RALYL: variants seen among roughly 807,000 people sequenced by gnomAD.
RALYL encodes the protein RALY RNA binding protein like, also known as RNA-binding Raly-like protein.
A neutral mutation model predicts 35.1 loss-of-function variants in RALYL; 29 were observed. The ratio of observed to expected loss-of-function variants is 0.83; its 90% CI spans 0.61 to 1.13. RALYL has a LOEUF of 1.13. RALYL is among the 50% of genes most tolerant of loss of function. The pLI, the probability that RALYL is intolerant of heterozygous loss-of-function variation, is 0.00. For missense variants in RALYL, 359 were observed against 360.4 expected (o/e 1.00, Z 0.03); for synonymous variants, 120 against 127.6 (o/e 0.94, Z 0.40).
At chr8:84,515,481 A>C (rs970929534) in intron 1 of RALYL, among the ~76,000 whole-genome samples, 8 of 152,328 alleles carry the variant, frequency 5.3e-5, no homozygotes, top group African/African-American at 1.7e-4. Context: ...ATTTGTGAAA[A>C]GGCTTAAAAT....
intron 1 of RALYL, among the ~76,000 whole-genome samples, chr8:84,304,434 T>C (rs60702768): frequency 1.3e-5 from 2 of 152,006 alleles, no homozygotes; most frequent in African/African-American, 4.8e-5. Context: ...TACTAACTAA[T>C]ATAATATGGG....
intron 1 of RALYL, among the ~76,000 whole-genome samples, chr8:84,303,611 A>G (rs1841228363): frequency 6.6e-6 from 1 of 152,234 alleles, no homozygotes; most frequent in Non-Finnish European, 1.5e-5. Flanking sequence ...TAAGAAATTT[A>G]AAACAGAAAT....
chr8:84,857,963 T>A (rs1350834342), intron 5 of RALYL, among the ~76,000 whole-genome samples: 2 of 152,136 alleles, frequency 1.3e-5, no homozygotes, highest in Non-Finnish European at 2.9e-5. Flanking sequence ...TATGCCTTTG[T>A]CCAAAAGGCA....
chr8:84,508,345 T>C (rs1369467614), intron 1 of RALYL, among the ~76,000 whole-genome samples: 4 of 152,182 alleles, frequency 2.6e-5, no homozygotes, highest in African/African-American at 7.2e-5. Flanking sequence ...GTGTAAGTGC[T>C]AAGTTAGGTC....
intron 3 of RALYL, among the ~76,000 whole-genome samples, chr8:84,801,167 G>A (rs1023616863): frequency 6.6e-6 from 1 of 152,128 alleles, no homozygotes; most frequent in African/African-American, 2.4e-5. Context: ...ATCATTTTGA[G>A]GATGAGACAA....
At chr8:84,653,982 C>T (rs1024872257) in intron 2 of RALYL, among the ~76,000 whole-genome samples, 2 of 150,340 alleles carry the variant, frequency 1.3e-5, no homozygotes, top group African/African-American at 4.9e-5. Context: ...AAAGGTAAGC[C>T]CATTGAGAAC....
intron 6 of RALYL, among the ~76,000 whole-genome samples, chr8:84,867,979 A>G (rs1839484432): frequency 6.6e-6 from 1 of 152,056 alleles, no homozygotes; most frequent in Non-Finnish European, 1.5e-5. Context: ...GTGACAGAAC[A>G]TTTTTACTAT....
At chr8:84,486,331 AT>A (rs1329090116) in intron 1 of RALYL, among the ~76,000 whole-genome samples, 54 of 150,084 alleles carry the variant, frequency 3.6e-4, no homozygotes, top group Non-Finnish European at 5.7e-4. Context: ...ATAGTTAAAA[AT>A]ACTTAAAAGC....
intron 2 of RALYL, among the ~76,000 whole-genome samples, chr8:84,634,354 C>T (rs1445186711): frequency 6.6e-6 from 1 of 151,750 alleles, no homozygotes; most frequent in Non-Finnish European, 1.5e-5. Context: ...TTATGAAAAC[C>T]CCGATGAACC....
At chr8:84,460,269 A>G (rs2050608782) in intron 1 of RALYL, among the ~76,000 whole-genome samples, 1 of 151,770 alleles carries the variant, frequency 6.6e-6, no homozygotes, top group Non-Finnish European at 1.5e-5. Flanking sequence ...TATGGAAGCA[A>G]TTTAACCTTG....
chr8:84,905,081 A>G (rs1308463873), intron 8 of RALYL, among the ~76,000 whole-genome samples: 2 of 152,140 alleles, frequency 1.3e-5, no homozygotes, highest in Non-Finnish European at 2.9e-5. Context: ...ATGCCCACTT[A>G]TTAGCAACAC....
At chr8:84,733,305 G>A (rs867829634) in intron 2 of RALYL, among the ~76,000 whole-genome samples, 1 of 152,034 alleles carries the variant, frequency 6.6e-6, no homozygotes, top group Non-Finnish European at 1.5e-5. Context: ...CAGACCACTA[G>A]GATATACTTT....
At chr8:84,248,152 A>G (rs1381159000) in intron 1 of RALYL, among the ~76,000 whole-genome samples, 1 of 152,122 alleles carries the variant, frequency 6.6e-6, no homozygotes, top group Non-Finnish European at 1.5e-5. Flanking sequence ...AGGATTACCA[A>G]TTTATATGCT....
intron 2 of RALYL, among the ~76,000 whole-genome samples, chr8:84,736,179 C>T (rs1420248111): frequency 6.6e-6 from 1 of 152,032 alleles, no homozygotes; most frequent in African/African-American, 2.4e-5. Context: ...TAAATATATT[C>T]ATATACTGAA....
intron 3 of RALYL, among the ~76,000 whole-genome samples, chr8:84,797,952 G>A (rs1051869178): frequency 3.9e-5 from 6 of 152,084 alleles, no homozygotes; most frequent in Non-Finnish European, 7.4e-5. Context: ...CTATGTGTTG[G>A]GTGCCATGCC....
At chr8:84,194,393 G>A (rs1266432136) in intron 1 of RALYL, among the ~76,000 whole-genome samples, 1 of 151,838 alleles carries the variant, frequency 6.6e-6, no homozygotes, top group African/African-American at 2.4e-5. Context: ...CCTTTCTTTG[G>A]AACATTTTGA....
intron 1 of RALYL, among the ~76,000 whole-genome samples, chr8:84,221,103 T>C (rs529085137): frequency 5.9e-5 from 9 of 152,120 alleles, no homozygotes; most frequent in South Asian, 2.1e-4. Flanking sequence ...TCAAAGTAAA[T>C]AGGCTTTGAG....
chr8:84,529,670 C>G (rs2059147918), intron 2 of RALYL, 93 bp downstream of exon 2: 1 of 1,121,906 alleles, frequency 8.9e-7, no homozygotes, highest in African/African-American at 1.6e-5. Flanking sequence ...TTGTTTCTAC[C>G]TCTTCTTTAA....
rs183897599 is a variant in RALYL at position 84,496,066 on chromosome 8, T to C, written c.-23-33233T>C. 5.3e-5 allele frequency among the ~76,000 whole-genome samples: 8 copies of C among 152,286 alleles called. No homozygotes were observed. The East Asian group carries it at 1.2e-3, about 22-fold the overall frequency. On this transcript the variant is annotated intron_variant, in intron 1 of 8. Transcript: ENST00000521268. ...TATGCATTATACAGGTAGATATTTA[T>C]TTATTGAATACTGTTTGCCTGTTCT... is the stretch of plus-strand genomic sequence containing the variant.
Sources: gnomAD v4.1 joint callset for allele counts (sites outside exome capture counted in the v4.1 genomes callset) on GRCh38, gnomAD v4.1.1 for gene constraint, MANE v1.5 for transcripts, NCBI Gene and HGNC (gene_info 2026-07-23, HGNC 2026-07-21) for gene names.